DCUN1D4: variants seen among roughly 807,000 people sequenced by gnomAD.
DCUN1D4 encodes defective in cullin neddylation 1 domain containing 4.
Under a neutral mutation model 47.9 loss-of-function variants are expected in DCUN1D4, and 22 were observed. The observed-to-expected ratio is 0.46, with a 90% CI of 0.33 to 0.66. The LOEUF (loss-of-function observed/expected upper bound fraction) is 0.66, where lower values mean the gene tolerates loss of function less well. Among genes scored for constraint, DCUN1D4 ranks in the 30% least tolerant of loss-of-function variants. DCUN1D4 has a pLI of 0.02. For synonymous variants in DCUN1D4, 121 were observed against 112.2 expected (o/e 1.08, Z -0.50); for missense variants, 301 against 340.8 (o/e 0.88, Z 0.92).
chr4:51,836,268 T>A, the DCUN1D4 span, among the ~76,000 whole-genome samples: 226 of 152,322 alleles, frequency 1.5e-3, 1 homozygote, highest in Non-Finnish European at 2.0e-3. Flanking sequence ...GAATGATTAG[T>A]AAAAGGGGTC....
chr4:51,853,854 C>T (rs1244410277), intron 1 of DCUN1D4, among the ~76,000 whole-genome samples: 1 of 152,202 alleles, frequency 6.6e-6, no homozygotes, highest in Non-Finnish European at 1.5e-5. Flanking sequence ...CTGCACTGGG[C>T]AGATCGTGCA....
At chr4:51,838,509 G>A (rs1721552677), upstream of DCUN1D4, among the ~76,000 whole-genome samples, 1 of 152,018 alleles carries the variant, frequency 6.6e-6, no homozygotes, top group African/African-American at 2.4e-5. Flanking sequence ...AGCCACCTGA[G>A]TAGCTAGGAT....
At chr4:51,890,306 C>A (rs543100628) in intron 6 of DCUN1D4, among the ~76,000 whole-genome samples, 1 of 152,126 alleles carries the variant, frequency 6.6e-6, no homozygotes, top group African/African-American at 2.4e-5. Flanking sequence ...TCACCATAGC[C>A]GCCATCTGAC....
chr4:51,870,926 G>T (rs1198079690), intron 3 of DCUN1D4, among the ~76,000 whole-genome samples: 1 of 151,942 alleles, frequency 6.6e-6, no homozygotes, highest in Non-Finnish European at 1.5e-5. Context: ...GCCTTGACCA[G>T]CTGTGCTGTG....
At chr4:51,882,878 C>T (rs1483954222) in intron 5 of DCUN1D4, among the ~76,000 whole-genome samples, 1 of 148,436 alleles carries the variant, frequency 6.7e-6, no homozygotes, top group Non-Finnish European at 1.5e-5. Context: ...AAGTAACTTT[C>T]CCCCCCGGCT....
At chr4:51,900,849 C>G (rs1731993248) in intron 8 of DCUN1D4, among the ~76,000 whole-genome samples, 1 of 151,974 alleles carries the variant, frequency 6.6e-6, no homozygotes, top group African/African-American at 2.4e-5. Context: ...CCTTCTCTAC[C>G]CAAATCAGCT....
intron 1 of DCUN1D4, chr4:51,844,888 A>T: frequency 9.1e-6 from 9 of 985,154 alleles, no homozygotes; most frequent in Non-Finnish European, 9.6e-6. Flanking sequence ...CTGCTCGGCC[A>T]ACTCGTGCTT....
At chr4:51,851,070 A>AG (rs1723291492) in intron 1 of DCUN1D4, among the ~76,000 whole-genome samples, 1 of 152,228 alleles carries the variant, frequency 6.6e-6, no homozygotes, top group African/African-American at 2.4e-5. Flanking sequence ...ACAGTCTCCT[A>AG]GGTAGCCTTT....
chr4:51,874,161 C>A, intron 3 of DCUN1D4, 110 bp from the exon 4 acceptor site: 2 of 555,746 alleles, frequency 3.6e-6, no homozygotes, highest in South Asian at 4.7e-5. Flanking sequence ...CATCTAAATT[C>A]CTTACAATAC....
intron 8 of DCUN1D4, among the ~76,000 whole-genome samples, chr4:51,903,415 A>G (rs1051593239): frequency 6.6e-6 from 1 of 151,826 alleles, no homozygotes; most frequent in African/African-American, 2.4e-5. Flanking sequence ...TTGTTTTCTG[A>G]CTTTTTATTC....
At chr4:51,856,103 A>T (rs942720119) in intron 1 of DCUN1D4, among the ~76,000 whole-genome samples, 2 of 152,174 alleles carry the variant, frequency 1.3e-5, no homozygotes, top group African/African-American at 4.8e-5. Context: ...AGACATTTAG[A>T]TGAGTGCCAA....
chr4:51,867,381 G>T (rs1488960605), intron 3 of DCUN1D4, among the ~76,000 whole-genome samples: 18 of 152,344 alleles, frequency 1.2e-4, no homozygotes, highest in Non-Finnish European at 5.9e-5. Flanking sequence ...AGCCCTGTTT[G>T]TGTTACAGCT....
intron 1 of DCUN1D4, among the ~76,000 whole-genome samples, chr4:51,847,594 A>G (rs1361388529): frequency 6.6e-6 from 1 of 151,802 alleles, no homozygotes; most frequent in African/African-American, 2.4e-5. Flanking sequence ...CAGTGTTATA[A>G]TAACCAGCAA....
rs1483889515 is a variant in DCUN1D4 at position 51,913,595 on chromosome 4, A to G, written c.*11A>G. 6.2e-7 allele frequency: 1 copy of G among 1,610,408 alleles called. No homozygotes were observed. Among genetic ancestry groups the G allele is most frequent in the East Asian group, 2.2e-5 (1 of 44,762 alleles). On this transcript the variant is annotated 3_prime_UTR_variant, in exon 11 of 11. Coordinates refer to ENST00000334635, the MANE Select transcript of DCUN1D4 (RefSeq NM_001040402.3). ...AAACAGATGTCCTAGGACTTTATGC[A>G]TAGCAGCGAGAGAGTCACTGTTACC...
chr4:51,834,191 ACAG>A, the DCUN1D4 span, among the ~76,000 whole-genome samples: 1 of 145,878 alleles, frequency 6.9e-6, no homozygotes, highest in South Asian at 2.2e-4. Flanking sequence ...CTAACCGAGA[ACAG>A]CAAGCCAATC....
intron 1 of DCUN1D4, chr4:51,848,360 A>G: frequency 7.9e-7 from 1 of 1,260,672 alleles, no homozygotes; most frequent in Non-Finnish European, 1.0e-6. Context: ...TTAAGGCAGC[A>G]TTAACAGGTC....
chr4:51,882,300 T>C (rs984284454), intron 5 of DCUN1D4, among the ~76,000 whole-genome samples: 3 of 152,210 alleles, frequency 2.0e-5, no homozygotes, highest in Non-Finnish European at 4.4e-5. Flanking sequence ...AGAGTTCATT[T>C]TCCCATGTGG....
At chr4:51,900,418 C>T (rs909571855) in intron 8 of DCUN1D4, among the ~76,000 whole-genome samples, 11 of 152,000 alleles carry the variant, frequency 7.2e-5, no homozygotes, top group African/African-American at 2.7e-4. Flanking sequence ...GATAAAATGG[C>T]ATTTGCATAA....
intron 1 of DCUN1D4, among the ~76,000 whole-genome samples, chr4:51,846,838 G>A (rs1009005938): frequency 3.9e-5 from 6 of 152,252 alleles, no homozygotes; most frequent in African/African-American, 1.2e-4. Flanking sequence ...TTCTATTAGT[G>A]TTTTAGCTTT....
Sources: allele counts gnomAD v4.1 joint callset (sites outside exome capture counted in the v4.1 genomes callset), GRCh38; gene constraint gnomAD v4.1.1; transcripts MANE v1.5; gene names NCBI Gene and HGNC (gene_info 2026-07-23, HGNC 2026-07-21).